Variants in CLNK observed in about 807,000 individuals in gnomAD.
The protein encoded by CLNK is cytokine dependent hematopoietic cell linker.
In CLNK, 74 loss-of-function variants were observed where a neutral mutation model predicts 68.6. The observed-to-expected ratio is 1.08, with a 90% CI of 0.89 to 1.31. The LOEUF (loss-of-function observed/expected upper bound fraction) is 1.31. CLNK is among the 50% of genes most tolerant of loss of function. CLNK has a pLI of 0.00. For missense variants in CLNK, 553 were observed against 515.3 expected, an observed-to-expected ratio of 1.07 and a Z score of -0.71; for synonymous variants, 198 against 172.2, an observed-to-expected ratio of 1.15 and a Z score of -1.17.
chr4:10,634,865 T>C (rs1285380831), intron 2 of CLNK, among the ~76,000 whole-genome samples: 1 of 152,148 alleles, frequency 6.6e-6, no homozygotes, highest in East Asian at 1.9e-4. Flanking sequence ...GCAGTTGGAC[T>C]GGGACTGGGA....
the CLNK span, among the ~76,000 whole-genome samples, chr4:10,700,012 G>GTA: frequency 6.6e-6 from 1 of 151,590 alleles, no homozygotes; most frequent in Non-Finnish European, 1.5e-5. Context: ...ATATGTGTGT[G>GTA]TGTGTGTGTG....
the CLNK span, among the ~76,000 whole-genome samples, chr4:10,694,252 G>T: frequency 6.6e-6 from 1 of 151,184 alleles, no homozygotes; most frequent in Non-Finnish European, 1.5e-5. Context: ...TATCCGGCCA[G>T]GTGGGACCAA....
intron 11 of CLNK, among the ~76,000 whole-genome samples, chr4:10,536,066 G>A (rs1440575433): frequency 6.6e-6 from 1 of 152,190 alleles, no homozygotes; most frequent in African/African-American, 2.4e-5. Context: ...AAAGAGAATA[G>A]CAGAGCTGGC....
chr4:10,649,001 A>G (rs1470800548), intron 2 of CLNK, among the ~76,000 whole-genome samples: 1 of 152,170 alleles, frequency 6.6e-6, no homozygotes, highest in Non-Finnish European at 1.5e-5. Context: ...GTATTTGAAT[A>G]GGAAGAGCAC....
At chr4:10,707,198 T>C in the CLNK span, among the ~76,000 whole-genome samples, 1 of 152,086 alleles carries the variant, frequency 6.6e-6, no homozygotes, top group African/African-American at 2.4e-5. Flanking sequence ...GGACCACACA[T>C]AAAATATACT....
In CLNK at chr4:10,545,697, G is replaced by A. The variant is rs541715683; in HGVS notation, c.446-3417C>T. On this transcript the variant is annotated intron_variant, in intron 8 of 18. Transcript: ENST00000226951. ...TCTGCTTTGTATAGCTTTAGTGGGGGCTTTTTGCATGTCTCCACTCCTGTG... is the reference window on the plus strand; with the variant it reads ...TCTGCTTTGTATAGCTTTAGTGGGGACTTTTTGCATGTCTCCACTCCTGTG... 2.6e-5 allele frequency among the ~76,000 whole-genome samples: 4 copies of A among 152,284 alleles called. No homozygotes were observed. The South Asian group carries it at 8.3e-4, about 32-fold the overall frequency.
At chr4:10,690,106 G>A in the CLNK span, among the ~76,000 whole-genome samples, 1 of 152,130 alleles carries the variant, frequency 6.6e-6, no homozygotes, top group East Asian at 1.9e-4. Context: ...TTTCATGGCT[G>A]CTAAGAAATA....
intron 15 of CLNK, 118 bp from the exon 16 acceptor site, chr4:10,513,715 T>C: frequency 1.1e-6 from 1 of 945,228 alleles, no homozygotes; most frequent in Non-Finnish European, 1.5e-6. Flanking sequence ...ACCTTCTTGG[T>C]CAACACCATA....
intron 2 of CLNK, among the ~76,000 whole-genome samples, chr4:10,627,309 G>A (rs1722712918): frequency 6.6e-6 from 1 of 152,104 alleles, no homozygotes; most frequent in South Asian, 2.1e-4. Context: ...TCAAAGCCTG[G>A]CCCTGCACCA....
At chr4:10,704,164 G>A in the CLNK span, among the ~76,000 whole-genome samples, 2 of 151,942 alleles carry the variant, frequency 1.3e-5, no homozygotes, top group Admixed American at 1.3e-4. Context: ...TCTAGAGAGA[G>A]AAAAAAAGAG....
chr4:10,653,330 T>C (rs1048891829), intron 2 of CLNK, among the ~76,000 whole-genome samples: 6 of 151,834 alleles, frequency 4.0e-5, no homozygotes, highest in Non-Finnish European at 8.8e-5. Flanking sequence ...ACCTGCACAT[T>C]CTGCACACGT....
chr4:10,572,109 C>T lies in CLNK; in HGVS notation c.113-331G>A, dbSNP rs139095491. Among the ~76,000 whole-genome samples the T allele has an allele frequency of 8.5e-5, 13 of 152,266 alleles. No individual in the cohort carries two copies. The East Asian group carries it at 2.1e-3, about 25-fold the overall frequency. On this transcript the variant is annotated intron_variant, in intron 4 of 18. Transcript: ENST00000226951. ...GAAGATCTCTCACAGCAATTGCTCC[C>T]GAAGTCTTGAGTCAGCAGCAGCTCA...
At chr4:10,589,329 C>T (rs1283966518) in intron 3 of CLNK, among the ~76,000 whole-genome samples, 2 of 152,184 alleles carry the variant, frequency 1.3e-5, no homozygotes, top group African/African-American at 4.8e-5. Flanking sequence ...AAGCCTATAG[C>T]AGCAACGTAG....
At chr4:10,608,432 T>C (rs1484027152) in intron 2 of CLNK, among the ~76,000 whole-genome samples, 4 of 152,210 alleles carry the variant, frequency 2.6e-5, no homozygotes, top group Non-Finnish European at 5.9e-5. Flanking sequence ...TTTCCAATAA[T>C]CTTTCCCAAA....
At chr4:10,628,165 A>G (rs1293051442) in intron 2 of CLNK, among the ~76,000 whole-genome samples, 1 of 152,232 alleles carries the variant, frequency 6.6e-6, no homozygotes. Flanking sequence ...AAAACTTGTA[A>G]CAGCTTCTTG....
At chr4:10,704,188 AAG>A in the CLNK span, among the ~76,000 whole-genome samples, 3 of 152,108 alleles carry the variant, frequency 2.0e-5, no homozygotes, top group Admixed American at 1.3e-4. Context: ...AGGAGAGAGA[AAG>A]AGAGAGAGCG....
intron 8 of CLNK, among the ~76,000 whole-genome samples, chr4:10,543,300 T>C (rs1422938096): frequency 6.6e-6 from 1 of 152,200 alleles, no homozygotes; most frequent in Non-Finnish European, 1.5e-5. Context: ...TCTCTAAAAA[T>C]GGGCGTGGTG....
intron 8 of CLNK, among the ~76,000 whole-genome samples, chr4:10,545,765 A>C (rs1289497993): frequency 1.3e-5 from 2 of 152,052 alleles, no homozygotes; most frequent in Non-Finnish European, 2.9e-5. Flanking sequence ...CGTCTTTTGA[A>C]ATCTGGTTGG....
intron 16 of CLNK, among the ~76,000 whole-genome samples, chr4:10,512,922 C>T (rs1200236287): frequency 6.6e-6 from 1 of 151,684 alleles, no homozygotes; most frequent in Non-Finnish European, 1.5e-5. Flanking sequence ...AGAAAGAGAC[C>T]ACAAAATAGA....
Sources: allele counts gnomAD v4.1 joint callset (sites outside exome capture counted in the v4.1 genomes callset), GRCh38; gene constraint gnomAD v4.1.1; transcripts MANE v1.5; gene names NCBI Gene and HGNC (gene_info 2026-07-23, HGNC 2026-07-21).